The following LARP4B variants were observed in gnomAD, a reference collection of about 807,000 sequenced individuals.
LARP4B encodes la-related protein 4B.
A neutral mutation model predicts 89.8 loss-of-function variants in LARP4B; 12 were observed. That is an observed-to-expected ratio of 0.13 (90% confidence interval 0.09 to 0.22). The LOEUF (loss-of-function observed/expected upper bound fraction) is 0.22, where lower values mean the gene tolerates loss of function less well. LARP4B is among the 10% of genes least tolerant of loss of function. The pLI, the probability that LARP4B is intolerant of heterozygous loss-of-function variation, is 1.00. For synonymous variants in LARP4B, 367 were observed against 363.3 expected (o/e 1.01, Z -0.12); for missense variants, 757 against 947.7 (o/e 0.80, Z 2.64).
intron 1 of LARP4B, among the ~76,000 whole-genome samples, chr10:927,026 C>T (rs1181997679): frequency 2.0e-5 from 3 of 147,046 alleles, no homozygotes; most frequent in Admixed American, 1.4e-4. Flanking sequence ...GGCAACAGAA[C>T]GAGACTCGGT....
At position 813,040 on chromosome 10, in the gene LARP4B, G is replaced by A; in HGVS notation, c.2103C>T (p.Ser701=). The change falls in exon 18 of 18, where the codon TCC becomes TCT. Residue 701 remains serine, a synonymous_variant. Coordinates refer to ENST00000316157, the MANE Select transcript of LARP4B (RefSeq NM_015155.3). ...TCTGGTCTCTGGGGGCTCCAGGTGTGGACTTGAGGGCTGGGGGCTCCCGGT... is the reference window on the plus strand; with the variant it reads ...TCTGGTCTCTGGGGGCTCCAGGTGTAGACTTGAGGGCTGGGGGCTCCCGGT... ...ERYREPPALK[S]TPGAPRDQRR... The A allele has an allele frequency of 6.2e-7, 1 of 1,613,524 alleles. No individual in the cohort carries two copies. The highest frequency in any genetic ancestry group is 8.5e-7 in the Non-Finnish European group (1 of 1,179,966).
At chr10:838,983 T>C (rs941199257) in intron 7 of LARP4B, among the ~76,000 whole-genome samples, 1 of 152,158 alleles carries the variant, frequency 6.6e-6, no homozygotes, top group African/African-American at 2.4e-5. Flanking sequence ...ACCTTCAACA[T>C]ATATTGCTAA....
chr10:816,058 A>G (rs1290844663), intron 15 of LARP4B, among the ~76,000 whole-genome samples: 1 of 152,182 alleles, frequency 6.6e-6, no homozygotes, highest in African/African-American at 2.4e-5. Context: ...GTGAAACCCC[A>G]TCTCTACTAA....
At chr10:924,361 C>T (rs1042194452) in intron 1 of LARP4B, 1 of 152,232 alleles carries the variant, frequency 6.6e-6, no homozygotes, top group African/African-American at 2.4e-5. Flanking sequence ...GAGGTGTACA[C>T]AAGAAGAAAG....
chr10:847,274 C>A (rs1225341445), intron 5 of LARP4B, among the ~76,000 whole-genome samples: 2 of 152,088 alleles, frequency 1.3e-5, no homozygotes, highest in African/African-American at 2.4e-5. Flanking sequence ...CCCGGCACTG[C>A]AGACAGAGGA....
At chr10:963,066 C>T in the LARP4B span, among the ~76,000 whole-genome samples, 1 of 152,164 alleles carries the variant, frequency 6.6e-6, no homozygotes, top group Non-Finnish European at 1.5e-5. Context: ...TAGCGTTTCC[C>T]AGACTTGCCA....
chr10:886,414 T>G (rs538072269), intron 1 of LARP4B, among the ~76,000 whole-genome samples: 2 of 152,290 alleles, frequency 1.3e-5, no homozygotes, highest in East Asian at 3.9e-4. Context: ...GCTCAAAAAT[T>G]TGAAAATAGA....
At chr10:890,574 A>C (rs1345360460) in intron 1 of LARP4B, among the ~76,000 whole-genome samples, 2 of 152,202 alleles carry the variant, frequency 1.3e-5, no homozygotes, top group Admixed American at 1.3e-4. Flanking sequence ...ACAGAATGTG[A>C]GTAACTAACT....
chr10:940,739 G>A, the LARP4B span, among the ~76,000 whole-genome samples: 196 of 152,324 alleles, frequency 1.3e-3, 2 homozygotes, highest in Admixed American at 5.7e-3. Flanking sequence ...GTGCGGGAGC[G>A]CAGGAGAGGT....
chr10:882,028 GA>G (rs1203178320), intron 3 of LARP4B, among the ~76,000 whole-genome samples: 11 of 152,122 alleles, frequency 7.2e-5, no homozygotes, highest in African/African-American at 2.7e-4. Context: ...ACAGAATGTG[GA>G]GACACAGAGC....
chr10:940,398 C>T, the LARP4B span, among the ~76,000 whole-genome samples: 1 of 152,230 alleles, frequency 6.6e-6, no homozygotes, highest in Non-Finnish European at 1.5e-5. Flanking sequence ...AAGTGATCCT[C>T]CCACCTTGGC....
In LARP4B at chr10:829,588, T is replaced by G. The variant is rs926554291; in HGVS notation, c.922A>C (p.Ile308Leu). Reference protein sequence around the residue: ...TFQGKPIKARIKAKAIAINTF... With the variant: ...TFQGKPIKARLKAKAIAINTF... ...TTTATAGCTATTGCCTTTGCTTTTA[T>G]CCGTGCCTGTTTGAAAATATGTAAG... The change falls in exon 11 of 18, where the codon ATA (isoleucine) becomes CTA (leucine). Residue 308 changes from isoleucine to leucine, a missense_variant. Ile to Leu is a conservative substitution (Grantham distance 5). Coordinates refer to ENST00000316157, the MANE Select transcript of LARP4B (RefSeq NM_015155.3). 23 of 1,613,938 alleles carry G rather than the reference T, an allele frequency of 1.4e-5. No homozygotes were observed. Among genetic ancestry groups the G allele is most frequent in the Non-Finnish European group, 1.9e-5 (23 of 1,179,972 alleles).
chr10:938,735 TCTCA>T, the LARP4B span, among the ~76,000 whole-genome samples: 1 of 152,284 alleles, frequency 6.6e-6, no homozygotes, highest in Middle Eastern at 3.4e-3. Flanking sequence ...CATCTCTCTC[TCTCA>T]GAGAACATGA....
the LARP4B span, among the ~76,000 whole-genome samples, chr10:938,474 T>C: frequency 1.0e-3 from 158 of 151,708 alleles, 2 homozygotes; most frequent in South Asian, 4.2e-3. Flanking sequence ...AGGATAGGCT[T>C]GATCTCCTGC....
At chr10:835,154 T>C (rs555265289) in intron 8 of LARP4B, among the ~76,000 whole-genome samples, 4 of 151,826 alleles carry the variant, frequency 2.6e-5, no homozygotes, top group African/African-American at 2.4e-5. Context: ...TACTACAATA[T>C]AGAACTAGTA....
At chr10:888,576 C>G (rs1835930466) in intron 1 of LARP4B, among the ~76,000 whole-genome samples, 1 of 152,104 alleles carries the variant, frequency 6.6e-6, no homozygotes, top group Non-Finnish European at 1.5e-5. Flanking sequence ...TTTCCAGTCA[C>G]AAAAATATCA....
chr10:922,659 A>G (rs1160640417), intron 1 of LARP4B, among the ~76,000 whole-genome samples: 1 of 151,488 alleles, frequency 6.6e-6, no homozygotes, highest in Non-Finnish European at 1.5e-5. Context: ...TGGGCAACAG[A>G]ACGAGACCCC....
At chr10:877,699 G>C (rs1050729677) in intron 3 of LARP4B, among the ~76,000 whole-genome samples, 1 of 152,168 alleles carries the variant, frequency 6.6e-6, no homozygotes, top group Non-Finnish European at 1.5e-5. Flanking sequence ...GAAGTGTTAG[G>C]AGAGTGCACA....
intron 13 of LARP4B, among the ~76,000 whole-genome samples, chr10:824,440 C>A (rs1588860636): frequency 6.6e-6 from 1 of 152,308 alleles, no homozygotes; most frequent in African/African-American, 2.4e-5. Context: ...CTGTAGTGAG[C>A]CATGATCATG....
Sources: allele counts gnomAD v4.1 joint callset (sites outside exome capture counted in the v4.1 genomes callset), GRCh38; gene constraint gnomAD v4.1.1; transcripts MANE v1.5; gene names NCBI Gene and HGNC (gene_info 2026-07-23, HGNC 2026-07-21).